TNR: variants seen among roughly 807,000 people sequenced by gnomAD.
The protein encoded by TNR is tenascin-R.
Under a neutral mutation model 150.4 loss-of-function variants are expected in TNR, and 45 were observed. The ratio of observed to expected loss-of-function variants is 0.30; its 90% CI spans 0.24 to 0.38. The LOEUF is 0.38. Ranked by LOEUF, TNR falls within the 10% of genes least tolerant of loss-of-function variation. The probability of loss-of-function intolerance (pLI) is 1.00; values close to 1 mark genes in which losing one functional copy is unlikely to be tolerated. For missense variants in TNR, 1,544 were observed against 1,759.1 expected (o/e 0.88, Z 2.19); for synonymous variants, 687 against 678.4 (o/e 1.01, Z -0.20).
chr1:175,645,104 G>A (rs1664772312), intron 1 of TNR, among the ~76,000 whole-genome samples: 1 of 152,108 alleles, frequency 6.6e-6, no homozygotes, highest in Non-Finnish European at 1.5e-5. Context: ...TTTTAGCTGA[G>A]AAGATTAAAG....
At chr1:175,575,234 A>C (rs1274492017) in intron 1 of TNR, among the ~76,000 whole-genome samples, 1 of 152,250 alleles carries the variant, frequency 6.6e-6, no homozygotes, top group African/African-American at 2.4e-5. Flanking sequence ...AACTAAAATA[A>C]GCAGAGTCTG....
At chr1:175,703,640 C>A (rs1666763789) in intron 1 of TNR, among the ~76,000 whole-genome samples, 1 of 152,068 alleles carries the variant, frequency 6.6e-6, no homozygotes, top group Non-Finnish European at 1.5e-5. Flanking sequence ...AATCAATAAA[C>A]CACCCAATAG....
At chr1:175,606,259 T>C (rs1461005467) in intron 1 of TNR, among the ~76,000 whole-genome samples, 1 of 152,138 alleles carries the variant, frequency 6.6e-6, no homozygotes, top group Non-Finnish European at 1.5e-5. Flanking sequence ...AATAATTCTG[T>C]TTTCTACTGG....
chr1:175,708,616 C>A (rs1666908025), intron 1 of TNR, among the ~76,000 whole-genome samples: 1 of 152,168 alleles, frequency 6.6e-6, no homozygotes, highest in Non-Finnish European at 1.5e-5. Flanking sequence ...AAGGATGTGC[C>A]TCTGTGCGTG....
intron 2 of TNR, among the ~76,000 whole-genome samples, chr1:175,486,300 T>G (rs565416970): frequency 1.6e-4 from 23 of 147,216 alleles, no homozygotes; most frequent in East Asian, 6.2e-4. Flanking sequence ...ACAGGCCCTG[T>G]TTGTGTGATG....
chr1:175,586,159 A>G (rs1662561046), intron 1 of TNR, among the ~76,000 whole-genome samples: 1 of 152,224 alleles, frequency 6.6e-6, no homozygotes, highest in East Asian at 1.9e-4. Flanking sequence ...AGGAAGAGGG[A>G]TTTTCCAGGA....
At chr1:175,472,759 G>A (rs1657357873) in intron 2 of TNR, among the ~76,000 whole-genome samples, 1 of 152,092 alleles carries the variant, frequency 6.6e-6, no homozygotes, top group Non-Finnish European at 1.5e-5. Flanking sequence ...GAGGAAGGAG[G>A]GTATGTAGTC....
At chr1:175,606,934 T>A (rs1663427495) in intron 1 of TNR, among the ~76,000 whole-genome samples, 1 of 152,206 alleles carries the variant, frequency 6.6e-6, no homozygotes, top group Admixed American at 6.5e-5. Flanking sequence ...GGATTTTGCC[T>A]GAAATGTTGC....
intron 2 of TNR, among the ~76,000 whole-genome samples, chr1:175,436,921 C>G (rs1276711643): frequency 2.0e-5 from 3 of 152,144 alleles, no homozygotes; most frequent in Admixed American, 2.0e-4. Flanking sequence ...GACTCCCACA[C>G]AATAATAATG....
chr1:175,426,127 G>A (rs1470183632), intron 2 of TNR, among the ~76,000 whole-genome samples: 1 of 152,196 alleles, frequency 6.6e-6, no homozygotes, highest in Non-Finnish European at 1.5e-5. Context: ...CGCAGCGTCT[G>A]TATTCTTCTA....
chr1:175,566,650 C>T (rs1001601871), intron 1 of TNR, among the ~76,000 whole-genome samples: 4 of 152,228 alleles, frequency 2.6e-5, no homozygotes, highest in African/African-American at 4.8e-5. Flanking sequence ...ATGACTCCTA[C>T]AGTCACCACG....
At chr1:175,583,811 T>C (rs928488754) in intron 1 of TNR, among the ~76,000 whole-genome samples, 2 of 152,202 alleles carry the variant, frequency 1.3e-5, no homozygotes, top group African/African-American at 4.8e-5. Flanking sequence ...CCAGTTGAGA[T>C]AGTTCATGCA....
At chr1:175,551,278 A>G (rs1056981200) in intron 1 of TNR, among the ~76,000 whole-genome samples, 2 of 152,222 alleles carry the variant, frequency 1.3e-5, no homozygotes, top group African/African-American at 4.8e-5. Flanking sequence ...GCATAATGAT[A>G]TATACTCAAT....
At chr1:175,689,526 C>A (rs1666296193) in intron 1 of TNR, among the ~76,000 whole-genome samples, 1 of 152,096 alleles carries the variant, frequency 6.6e-6, no homozygotes, top group Non-Finnish European at 1.5e-5. Flanking sequence ...GCTGCCAGCT[C>A]CCTTGAATGC....
At position 175,562,805 on chromosome 1, in the gene TNR, C is replaced by T. The variant is rs372479231; in HGVS notation, c.-164-34436G>A. Among the ~76,000 whole-genome samples, 73 of 152,302 alleles carry T rather than the reference C, an allele frequency of 4.8e-4. 3 individuals carry two copies. The South Asian group carries it at 0.015, about 31-fold the overall frequency. The stretch of plus-strand genomic sequence containing the variant: ...GTTTTAGCTGCTGTCATGAGCAGTC[C>T]ATTTTGCTTTTTCTCTGCCAGGCTC... On this transcript the variant is annotated intron_variant, in intron 1 of 22. Coordinates refer to ENST00000367674, the MANE Select transcript of TNR (RefSeq NM_003285.3).
intron 2 of TNR, among the ~76,000 whole-genome samples, chr1:175,411,284 G>T (rs1654201634): frequency 6.6e-6 from 1 of 152,140 alleles, no homozygotes; most frequent in Non-Finnish European, 1.5e-5. Context: ...TTGAAGAGGG[G>T]ATGTTAAGCA....
In TNR at chr1:175,317,687, C is replaced by A. The variant is rs1345986484; in HGVS notation, c.*5670G>T. ...TGGTGCCAGTGAGTGAGTGCCAGTA[C>A]CCAGGAGAGCTGGCCTCATAAGGAT... is the stretch of plus-strand genomic sequence containing the variant. On this transcript the variant is annotated 3_prime_UTR_variant, in exon 23 of 23. Transcript: ENST00000367674. 6.6e-6 allele frequency: 1 copy of A among 152,212 alleles called. No individual in the cohort carries two copies. 9.4% of individuals were successfully genotyped at this position (152,212 alleles called of 1,614,324 possible).
rs188770108 is a variant in TNR at position 175,447,995 on chromosome 1, C to T, written c.-63-41218G>A. On this transcript the variant is annotated intron_variant, in intron 2 of 22. Transcript: ENST00000367674. ...GTTATTATTATTACTATCAGTGTCA[C>T]GCTGCTCATTGCTTTCCACTAGGAA... is the stretch of plus-strand genomic sequence containing the variant. 4.6e-5 allele frequency among the ~76,000 whole-genome samples: 7 copies of T among 152,282 alleles called. No individual in the cohort carries two copies. The East Asian group carries it at 9.6e-4, about 21-fold the overall frequency.
chr1:175,593,633 C>A (rs1662892934), intron 1 of TNR, among the ~76,000 whole-genome samples: 1 of 152,176 alleles, frequency 6.6e-6, no homozygotes, highest in Admixed American at 6.5e-5. Flanking sequence ...ACTGGTTGAA[C>A]CAAAATCAAT....
Sources: gnomAD v4.1 joint callset for allele counts (sites outside exome capture counted in the v4.1 genomes callset) on GRCh38, gnomAD v4.1.1 for gene constraint, MANE v1.5 for transcripts, NCBI Gene and HGNC (gene_info 2026-07-23, HGNC 2026-07-21) for gene names.